Variants in SELENOO observed in about 807,000 individuals in gnomAD.
The protein encoded by SELENOO is protein adenylyltransferase SelO, mitochondrial.
A neutral mutation model predicts 58.7 loss-of-function variants in SELENOO; 74 were observed. That is an observed-to-expected ratio of 1.26 (90% CI 1.04 to 1.53). The LOEUF is 1.53. SELENOO is among the 40% of genes most tolerant of loss of function. The pLI, the probability that SELENOO is intolerant of heterozygous loss-of-function variation, is 0.00. For synonymous variants in SELENOO, 543 were observed against 453.2 expected, an observed-to-expected ratio of 1.20 and a Z score of -2.52; for missense variants, 1,149 against 970.0, an observed-to-expected ratio of 1.18 and a Z score of -2.45.
chr22:50,203,787 G>C (rs560282367), intron 1 of SELENOO, among the ~76,000 whole-genome samples: 12 of 152,312 alleles, frequency 7.9e-5, no homozygotes, highest in Admixed American at 2.0e-4. Flanking sequence ...CATTGGATTT[G>C]GCAGCGTTCT....
chr22:50,202,222 G>A (rs879662951), intron 1 of SELENOO, among the ~76,000 whole-genome samples: 118 of 68,888 alleles, frequency 1.7e-3, no homozygotes, highest in African/African-American at 6.1e-3. Context: ...CTAGGAAAGT[G>A]TACATTTTAT....
intron 5 of SELENOO, 51 bp from the exon 6 acceptor site, chr22:50,215,666 C>A: frequency 6.9e-7 from 1 of 1,439,646 alleles, no homozygotes; most frequent in Non-Finnish European, 9.4e-7. Flanking sequence ...GGCACCAGGA[C>A]AGGGACCCTG....
Position 50,201,060 on chromosome 22 carries a change from C to T in SELENOO, c.24C>T (p.Leu8=), listed in dbSNP as rs987033138. Residue 8 remains leucine, a synonymous_variant, in exon 1 of 9, where the codon CTC becomes CTT. Coordinates refer to ENST00000380903, the MANE Select transcript of SELENOO (RefSeq NM_031454.2). ...GGATGGCCGTATACAGGGCAGCGCT[C>T]GGGGCTTCGCTCGCGGCTGCCCGAC... MAVYRAA[L]GASLAAARLL... is the part of the protein sequence containing the mutation. 8.1e-6 allele frequency: 11 copies of T among 1,354,648 alleles called. No individual in the cohort carries two copies. Among genetic ancestry groups the T allele is most frequent in the Middle Eastern group, 2.7e-4 (1 of 3,766 alleles). The allele number at this position is 1,354,648 out of a possible 1,614,324, so 83.9% of individuals were successfully genotyped here.
In SELENOO at chr22:50,217,488, C is replaced by T; in HGVS notation, c.*119C>T. On this transcript the variant is annotated 3_prime_UTR_variant, in exon 9 of 9. Transcript: ENST00000380903. Reference sequence around the variant, plus strand: ...GGATTCTGCCCTGGCCCATGCACACCCGTCTTTCCATGATGGCAGAGACAT... The same window carrying T: ...GGATTCTGCCCTGGCCCATGCACACTCGTCTTTCCATGATGGCAGAGACAT... 7.9e-7 allele frequency: 1 copy of T among 1,273,058 alleles called. No individual in the cohort carries two copies. Among genetic ancestry groups the T allele is most frequent in the Non-Finnish European group, 1.1e-6 (1 of 920,894 alleles). 78.9% of individuals were successfully genotyped at this position (1,273,058 alleles called of 1,614,324 possible).
At position 50,206,204 on chromosome 22, in the gene SELENOO, C is replaced by T. The variant is rs1427158615; in HGVS notation, c.555-113C>T. ...ACCTGGGACGGGCGGTTTTCAGGGA[C>T]GTGCAAGCTGCTCACGTTACACGCG... On this transcript the variant is annotated intron_variant, in intron 1 of 8. Coordinates refer to ENST00000380903, the MANE Select transcript of SELENOO (RefSeq NM_031454.2). The T allele has an allele frequency of 5.7e-5, 50 of 883,476 alleles. No individual in the cohort carries two copies. In the Admixed American group the frequency reaches 8.6e-4, roughly 15 times the overall value. The allele number at this position is 883,476 out of a possible 1,614,324, so 54.7% of individuals were successfully genotyped here. A position where few individuals can be genotyped will look rare whatever the true frequency, so the allele number is the denominator to read the frequency against.
intron 5 of SELENOO, among the ~76,000 whole-genome samples, chr22:50,211,743 G>A (rs150374537): frequency 0.032 from 4,802 of 152,236 alleles, 274 homozygotes; most frequent in African/African-American, 0.11. Context: ...CACTCTTGTT[G>A]CCCAGGCTGG....
Position 50,210,645 on chromosome 22 carries a change from A to G in SELENOO, c.1085A>G (p.His362Arg). The G allele has an allele frequency of 1.2e-6, 2 of 1,612,846 alleles. No homozygotes were observed. The highest frequency in any genetic ancestry group is 1.7e-6 in the Non-Finnish European group (2 of 1,179,826). The change falls in exon 5 of 9, where the codon CAC becomes CGC. Residue 362 changes from histidine (H) to arginine (R), a missense_variant. Transcript: ENST00000380903. ...FGFLDRYDPD[H>R]VCNASDNTGR... is the part of the protein sequence containing the mutation. ...CCGTGTGGCAGGTACGACCCCGACC[A>G]CGTGTGCAATGCCTCCGACAACACC...
In SELENOO at chr22:50,210,172, C is replaced by G. The variant is rs761107720; in HGVS notation, c.940-9C>G. 2 of 1,612,190 alleles carry G rather than the reference C, an allele frequency of 1.2e-6. No individual in the cohort carries two copies. The highest frequency in any genetic ancestry group is 1.7e-6 in the Non-Finnish European group (2 of 1,179,360). ...CCGAGGAGGGAGCAAGCACACTGTC[C>G]CACCCCAGGTGACGCGGCGCACGGC... is the stretch of plus-strand genomic sequence containing the variant. On this transcript the variant is annotated splice_polypyrimidine_tract_variant and intron_variant, in intron 3 of 8. Transcript: ENST00000380903.
At chr22:50,207,332 C>A (rs939252446) in intron 2 of SELENOO, among the ~76,000 whole-genome samples, 1 of 152,064 alleles carries the variant, frequency 6.6e-6, no homozygotes, top group African/African-American at 2.4e-5. Context: ...CCATGTTGGC[C>A]AGGCTGGTCT....
intron 1 of SELENOO, among the ~76,000 whole-genome samples, chr22:50,203,747 C>T (rs932075018): frequency 3.9e-5 from 6 of 152,150 alleles, no homozygotes; most frequent in Non-Finnish European, 7.4e-5. Context: ...AGCTAAAACT[C>T]CTAGAGAAAA....
chr22:50,215,130 G>A (rs1315385539), intron 5 of SELENOO, among the ~76,000 whole-genome samples: 2 of 152,162 alleles, frequency 1.3e-5, no homozygotes, highest in Non-Finnish European at 2.9e-5. Flanking sequence ...TTCAGACAGT[G>A]TTTTCCAGAG....
At position 50,210,029 on chromosome 22, in the gene SELENOO, C is replaced by T. The variant is rs528321235; in HGVS notation, c.940-152C>T. 1.8e-5 allele frequency: 15 copies of T among 819,688 alleles called. 1 individual carries two copies. The highest frequency in any genetic ancestry group is 5.1e-5 in the African/African-American group (3 of 58,800). The allele number at this position is 819,688 out of a possible 1,614,324, so 50.8% of individuals were successfully genotyped here. A position where few individuals can be genotyped will look rare whatever the true frequency, so the allele number is the denominator to read the frequency against. ...CTTCATCGCCACCTTGTGGTTGAGG[C>T]GGTGACAGGACATCAGGAAGATCGC... On this transcript the variant is annotated intron_variant, in intron 3 of 8. Transcript: ENST00000380903.
At chr22:50,216,591 T>A in intron 6 of SELENOO, 100 bp from the exon 7 acceptor site, 1 of 1,168,706 alleles carries the variant, frequency 8.6e-7, no homozygotes. Context: ...CCTTGGACTC[T>A]AGGTGAGCCG....
chr22:50,215,101 G>T (rs2064396314), intron 5 of SELENOO, among the ~76,000 whole-genome samples: 1 of 152,190 alleles, frequency 6.6e-6, no homozygotes, highest in South Asian at 2.1e-4. Flanking sequence ...TTTTAAGACA[G>T]TCTTAGGGTC....
At chr22:50,202,868 G>T (rs1238915146) in intron 1 of SELENOO, among the ~76,000 whole-genome samples, 1 of 152,154 alleles carries the variant, frequency 6.6e-6, no homozygotes, top group Non-Finnish European at 1.5e-5. Flanking sequence ...TGAGGCTAAC[G>T]TCTGAAGTGG....
Position 50,217,038 on chromosome 22 carries a change from C to T in SELENOO, c.1755C>T (p.Arg585=), listed in dbSNP as rs570271176. Residue 585 remains arginine, a synonymous_variant, in exon 8 of 9, where the codon CGC becomes CGT. Coordinates refer to ENST00000380903, the MANE Select transcript of SELENOO (RefSeq NM_031454.2). The part of the protein sequence containing the change: ...DAAAWQAEHV[R]VMHANNPKYV... Reference sequence around the variant, plus strand: ...CCGCCTGGCAGGCTGAGCACGTGCGCGTGATGCACGCCAACAACCCGAAGT... The same window carrying T: ...CCGCCTGGCAGGCTGAGCACGTGCGTGTGATGCACGCCAACAACCCGAAGT... 3.5e-5 allele frequency: 57 copies of T among 1,612,332 alleles called. No individual in the cohort carries two copies. In the Admixed American group the frequency reaches 4.2e-4, roughly 12 times the overall value.
Position 50,206,462 on chromosome 22 carries a change from G to C in SELENOO, c.700G>C (p.Gly234Arg). 1 of 1,614,182 alleles carries C rather than the reference G, an allele frequency of 6.2e-7. No homozygotes were observed. The highest frequency in any genetic ancestry group is 8.5e-7 in the Non-Finnish European group (1 of 1,180,036). ...GGTGGTGCGCGACGTGTTCTATGAT[G>C]GTAATCCCAAATATGAACAATGCAC... ...STVVRDVFYDGNPKYEQCTVV... is the reference protein window; with the variant it reads ...STVVRDVFYDRNPKYEQCTVV... The change falls in exon 2 of 9, where the codon GGT becomes CGT. Residue 234 changes from glycine to arginine, a missense_variant. Gly to Arg is a moderately radical substitution (Grantham distance 125, BLOSUM62 -2). Transcript: ENST00000380903.
chr22:50,215,964 G>A (rs531660661), intron 6 of SELENOO, 97 bp downstream of exon 6: 57 of 1,167,536 alleles, frequency 4.9e-5, no homozygotes, highest in Middle Eastern at 4.6e-4. Context: ...AGAGCTGGCT[G>A]GGGCCCAGGT....
intron 5 of SELENOO, 91 bp from the exon 6 acceptor site, chr22:50,215,626 C>A: frequency 9.1e-7 from 1 of 1,103,884 alleles, no homozygotes; most frequent in Non-Finnish European, 1.2e-6. Flanking sequence ...AGCACCTGTG[C>A]CAGGGGGGTG....
Sources: gnomAD v4.1 joint callset for allele counts (sites outside exome capture counted in the v4.1 genomes callset) on GRCh38, gnomAD v4.1.1 for gene constraint, MANE v1.5 for transcripts, NCBI Gene and HGNC (gene_info 2026-07-23, HGNC 2026-07-21) for gene names.